CEP112: variants seen among roughly 807,000 people sequenced by gnomAD.
CEP112 encodes centrosomal protein of 112 kDa.
A neutral mutation model predicts 153.0 loss-of-function variants in CEP112; 127 were observed. The observed-to-expected ratio is 0.83, with a 90% confidence interval of 0.72 to 0.96. CEP112 has a LOEUF of 0.96. Ranked by LOEUF, CEP112 falls within the 40% of genes least tolerant of loss-of-function variation. The pLI is 0.00. For synonymous variants in CEP112, 358 were observed against 374.4 expected (o/e 0.96, Z 0.51); for missense variants, 1,089 against 1,101.2 (o/e 0.99, Z 0.16).
chr17:65,752,327 G>A (rs1434859309), intron 21 of CEP112, among the ~76,000 whole-genome samples: 1 of 152,160 alleles, frequency 6.6e-6, no homozygotes, highest in East Asian at 1.9e-4. Flanking sequence ...GGGCATCACT[G>A]CAGGGTGTGT....
chr17:65,655,410 G>A (rs1458754669), intron 24 of CEP112: 3 of 1,447,970 alleles, frequency 2.1e-6, no homozygotes, highest in South Asian at 2.3e-5. Flanking sequence ...AACAGTACAT[G>A]ACATGAAGAT....
chr17:66,069,191 G>A (rs1435137736), intron 9 of CEP112, among the ~76,000 whole-genome samples: 1 of 151,910 alleles, frequency 6.6e-6, no homozygotes, highest in African/African-American at 2.4e-5. Context: ...TTGGGAAGCA[G>A]AATCATAGGC....
In CEP112 at chr17:65,746,977, G is replaced by A. The variant is rs1477193; in HGVS notation, c.2457+3685C>T. ...AAAAGGAGAGCTATTTTGAGCTGAT[G>A]GTGTAAGCATCCGAACTCATGAAAG... On this transcript the variant is annotated intron_variant, in intron 22 of 26. Transcript: ENST00000535342. Among the ~76,000 whole-genome samples the A allele has an allele frequency of 6.6e-3, 1,003 of 151,906 alleles. 8 individuals are homozygous for A. Among genetic ancestry groups the A allele is most frequent in the African/African-American group, 0.023 (939 of 41,388 alleles).
chr17:65,950,826 G>A (rs2061804750), intron 18 of CEP112, among the ~76,000 whole-genome samples: 2 of 151,918 alleles, frequency 1.3e-5, no homozygotes, highest in Non-Finnish European at 2.9e-5. Context: ...GTTCTTAGGA[G>A]GAAAAGAATT....
Position 65,743,634 on chromosome 17 carries a change from AG to A in CEP112, c.2458-418del, listed in dbSNP as rs923745992. 2.0e-5 allele frequency among the ~76,000 whole-genome samples: 3 copies of A among 152,248 alleles called. No homozygotes were observed. The East Asian group carries it at 5.8e-4, about 29-fold the overall frequency. ...AAATAATGAACAGAGTTTATTCTTC[AG>A]TCACCTAATTCTATACAGTAATTTT... is the stretch of plus-strand genomic sequence containing the variant. On this transcript the variant is annotated intron_variant, in intron 22 of 26. Transcript: ENST00000535342.
intron 21 of CEP112, among the ~76,000 whole-genome samples, chr17:65,783,117 A>G (rs971811406): frequency 1.3e-5 from 2 of 152,206 alleles, no homozygotes; most frequent in African/African-American, 2.4e-5. Flanking sequence ...AAAAATGGGT[A>G]AAGAACTTGA....
chr17:66,183,455 C>A, intron 1 of CEP112, 148 bp from the exon 2 acceptor site: 1 of 515,606 alleles, frequency 1.9e-6, no homozygotes, highest in Non-Finnish European at 3.4e-6. Flanking sequence ...CATCAAAACC[C>A]AGCCGTATTA....
chr17:66,129,875 A>G (rs1260390125), intron 5 of CEP112, 52 bp from the exon 6 acceptor site: 2 of 1,169,540 alleles, frequency 1.7e-6, no homozygotes, highest in African/African-American at 3.1e-5. Context: ...GATGGAAGAA[A>G]TAAAAGGAAA....
At chr17:65,760,683 T>C (rs909212635) in intron 21 of CEP112, among the ~76,000 whole-genome samples, 3 of 152,174 alleles carry the variant, frequency 2.0e-5, no homozygotes, top group Non-Finnish European at 2.9e-5. Flanking sequence ...TTTATGTTAA[T>C]GGAATATAAT....
At chr17:65,658,307 A>AG (rs568614895) in intron 24 of CEP112, among the ~76,000 whole-genome samples, 1 of 152,228 alleles carries the variant, frequency 6.6e-6, no homozygotes, top group African/African-American at 2.4e-5. Flanking sequence ...TCTGGGATTC[A>AG]GGGGGGCAGC....
At chr17:66,005,568 G>A in intron 17 of CEP112, 122 bp downstream of exon 17, 1 of 1,199,686 alleles carries the variant, frequency 8.3e-7, no homozygotes, top group Non-Finnish European at 1.1e-6. Flanking sequence ...ATGGGAAACT[G>A]ATGCAAACGA....
intron 21 of CEP112, among the ~76,000 whole-genome samples, chr17:65,791,928 ATTAT>A (rs1762983600): frequency 2.0e-5 from 3 of 152,344 alleles, no homozygotes; most frequent in African/African-American, 7.2e-5. Flanking sequence ...TCAGCATGTA[ATTAT>A]TTATCTAATT....
intron 17 of CEP112, among the ~76,000 whole-genome samples, chr17:65,983,046 T>A (rs913012735): frequency 5.3e-5 from 8 of 152,146 alleles, no homozygotes; most frequent in Admixed American, 4.6e-4. Context: ...GAATGGTGGT[T>A]AGGAGGATCT....
intron 4 of CEP112, among the ~76,000 whole-genome samples, chr17:66,165,397 A>G (rs1253837919): frequency 6.6e-6 from 1 of 152,238 alleles, no homozygotes; most frequent in East Asian, 1.9e-4. Flanking sequence ...AGAAAGTTCT[A>G]TTGAACAGTA....
chr17:66,090,054 T>C (rs1321686999), intron 8 of CEP112, among the ~76,000 whole-genome samples: 1 of 152,072 alleles, frequency 6.6e-6, no homozygotes, highest in Admixed American at 6.6e-5. Context: ...AGACAATAAC[T>C]GCCAACCAAG....
intron 12 of CEP112, among the ~76,000 whole-genome samples, chr17:66,031,212 A>T (rs1598165892): frequency 6.6e-6 from 1 of 152,150 alleles, no homozygotes; most frequent in South Asian, 2.1e-4. Context: ...TATTCTAAAC[A>T]CCCTTTATGT....
At chr17:66,079,417 A>G (rs2067629875) in intron 8 of CEP112, among the ~76,000 whole-genome samples, 1 of 152,242 alleles carries the variant, frequency 6.6e-6, no homozygotes, top group South Asian at 2.1e-4. Flanking sequence ...AAACAAACCT[A>G]TTACAACTAT....
intron 21 of CEP112, among the ~76,000 whole-genome samples, chr17:65,803,315 G>A (rs1186165027): frequency 1.3e-5 from 2 of 152,308 alleles, no homozygotes; most frequent in East Asian, 3.9e-4. Flanking sequence ...GCTGTTTGAA[G>A]CCACTACACA....
chr17:65,639,251 G>A (rs540697205), intron 25 of CEP112, among the ~76,000 whole-genome samples: 31 of 151,970 alleles, frequency 2.0e-4, no homozygotes, highest in Non-Finnish European at 4.1e-4. Flanking sequence ...AATAGATAAC[G>A]TGGATATCAT....
Sources: gnomAD v4.1 joint callset for allele counts (sites outside exome capture counted in the v4.1 genomes callset) on GRCh38, gnomAD v4.1.1 for gene constraint, MANE v1.5 for transcripts, NCBI Gene and HGNC (gene_info 2026-07-23, HGNC 2026-07-21) for gene names.